The following EVC2 variants were observed in gnomAD, a reference collection of about 807,000 sequenced individuals.
EVC2 encodes EvC ciliary complex subunit 2.
EVC2 carries 148 observed loss-of-function variants against 149.3 expected under a neutral mutation model. The ratio of observed to expected loss-of-function variants is 0.99; its 90% confidence interval spans 0.87 to 1.14. The LOEUF is 1.14. Ranked by LOEUF, EVC2 falls within the 50% of genes most tolerant of loss-of-function variation. EVC2 has a pLI of 0.00. For synonymous variants in EVC2, 776 were observed against 649.9 expected (o/e 1.19, Z -2.95); for missense variants, 1,854 against 1,627.3 (o/e 1.14, Z -2.40).
At chr4:5,568,832 A>C (rs1224903060) in intron 19 of EVC2, among the ~76,000 whole-genome samples, 192 bp from the exon 20 acceptor site, 1 of 152,182 alleles carries the variant, frequency 6.6e-6, no homozygotes, top group Admixed American at 6.5e-5. Context: ...TTGGCTCCCC[A>C]GGACGCTTCT....
intron 16 of EVC2, among the ~76,000 whole-genome samples, chr4:5,590,754 CAT>C (rs906419432): frequency 1.3e-5 from 2 of 152,246 alleles, no homozygotes; most frequent in South Asian, 2.1e-4. Flanking sequence ...TTTTTTTGTA[CAT>C]GAGACCTGTA....
intron 10 of EVC2, among the ~76,000 whole-genome samples, chr4:5,639,242 T>A (rs1302440639): frequency 1.3e-5 from 2 of 152,156 alleles, no homozygotes; most frequent in Non-Finnish European, 2.9e-5. Flanking sequence ...TGTTCTTAAG[T>A]AGTTGGAAGC....
intron 7 of EVC2, among the ~76,000 whole-genome samples, chr4:5,680,480 T>C (rs141169855): frequency 1.3e-5 from 2 of 152,288 alleles, no homozygotes; most frequent in African/African-American, 2.4e-5. Context: ...CCTTCATATA[T>C]GCAGTCCACT....
intron 16 of EVC2, among the ~76,000 whole-genome samples, chr4:5,609,006 G>A (rs1050828550): frequency 6.6e-6 from 1 of 152,086 alleles, no homozygotes; most frequent in Non-Finnish European, 1.5e-5. Flanking sequence ...CATCTAAAGT[G>A]CTCCTGGTTC....
intron 21 of EVC2, among the ~76,000 whole-genome samples, chr4:5,548,112 C>G (rs1721655736): frequency 6.6e-6 from 1 of 152,074 alleles, no homozygotes; most frequent in Admixed American, 6.5e-5. Flanking sequence ...CTGGTTCACT[C>G]ACACACCCCT....
intron 21 of EVC2, among the ~76,000 whole-genome samples, chr4:5,550,162 A>T (rs1026066742): frequency 6.6e-6 from 1 of 152,210 alleles, no homozygotes; most frequent in African/African-American, 2.4e-5. Flanking sequence ...TGCTGCTGAA[A>T]AGATACCCAA....
At chr4:5,610,367 GC>G (rs1714719171) in intron 16 of EVC2, among the ~76,000 whole-genome samples, 3 of 152,278 alleles carry the variant, frequency 2.0e-5, no homozygotes, top group East Asian at 3.9e-4. Context: ...TTATTAAAAT[GC>G]CATCACATTT....
rs1440778090 is a variant in EVC2, at chr4:5,636,524, ATTGTAT to A, written c.1470+3984_1470+3989del. Among the ~76,000 whole-genome samples, 1 of 152,194 alleles carries A rather than the reference ATTGTAT, an allele frequency of 6.6e-6. No homozygotes were observed. The highest frequency in any genetic ancestry group is 1.5e-5 in the Non-Finnish European group (1 of 68,034). ...CTATTTATAACTACATAACATTTAC[ATTGTAT>A]TAGGTATTACAAGTAACAGAGGTGA... On this transcript the variant is annotated intron_variant, in intron 10 of 21. Transcript: ENST00000344408. The surrounding 1 kb of genome is among the most constrained non-coding windows in gnomAD (Gnocchi z 4.6).
intron 16 of EVC2, among the ~76,000 whole-genome samples, chr4:5,593,186 A>G (rs968587342): frequency 6.6e-6 from 1 of 152,168 alleles, no homozygotes; most frequent in Non-Finnish European, 1.5e-5. Flanking sequence ...AGTCTCGGGT[A>G]TGTCCTTATA....
intron 9 of EVC2, among the ~76,000 whole-genome samples, chr4:5,647,630 A>G (rs1474752461): frequency 6.6e-6 from 1 of 152,232 alleles, no homozygotes; most frequent in Non-Finnish European, 1.5e-5. Context: ...GTACAAGCTC[A>G]GAAAACAAAA....
chr4:5,553,868 G>A (rs1429841513), intron 21 of EVC2, among the ~76,000 whole-genome samples: 1 of 152,062 alleles, frequency 6.6e-6, no homozygotes, highest in Non-Finnish European at 1.5e-5. Flanking sequence ...ATGTATGCAT[G>A]CAATAAAAAA....
chr4:5,618,696 C>A lies in EVC2; in HGVS notation c.2502-14G>T. On this transcript the variant is annotated splice_polypyrimidine_tract_variant and intron_variant, in intron 14 of 21. Coordinates refer to ENST00000344408, the MANE Select transcript of EVC2 (RefSeq NM_147127.5). The surrounding 1 kb of genome is among the most constrained non-coding windows in gnomAD (Gnocchi z 4.4). ...GAGCAGAGCTTCCTGGGAGGAAGAA[C>A]AGAGACACACTCTTAACACAGAGAA... 6.3e-7 allele frequency: 1 copy of A among 1,575,478 alleles called. No individual in the cohort carries two copies.
intron 16 of EVC2, among the ~76,000 whole-genome samples, chr4:5,590,472 C>T (rs1159457682): frequency 6.6e-6 from 1 of 151,572 alleles, no homozygotes; most frequent in Non-Finnish European, 1.5e-5. Flanking sequence ...CCTCACTAAC[C>T]ATCATTAGGT....
chr4:5,564,766 A>G (rs998272545), intron 21 of EVC2, among the ~76,000 whole-genome samples: 2 of 152,186 alleles, frequency 1.3e-5, no homozygotes, highest in African/African-American at 2.4e-5. Flanking sequence ...CCAAGGAAAA[A>G]GGCATTGGGG....
At position 5,593,912 on chromosome 4, in the gene EVC2, G is replaced by A. The variant is rs182772526; in HGVS notation, c.2830-9062C>T. ...GGGCTTAAAAAACGACGCACCAGGA[G>A]ATTATATCCCCCACCTGGCTTGGAG... On this transcript the variant is annotated intron_variant, in intron 16 of 21. Coordinates refer to ENST00000344408, the MANE Select transcript of EVC2 (RefSeq NM_147127.5). Among the ~76,000 whole-genome samples the A allele has an allele frequency of 2.2e-3, 340 of 152,334 alleles. 1 individual carries two copies. The highest frequency in any genetic ancestry group is 7.8e-3 in the African/African-American group (323 of 41,582).
intron 7 of EVC2, among the ~76,000 whole-genome samples, chr4:5,675,703 G>A (rs1225519701): frequency 1.3e-5 from 2 of 152,040 alleles, no homozygotes; most frequent in African/African-American, 2.4e-5. Flanking sequence ...CCAGCACTTT[G>A]GGAGGCTGAG....
At chr4:5,560,197 G>A (rs925273102), downstream of EVC2, among the ~76,000 whole-genome samples, 1 of 151,946 alleles carries the variant, frequency 6.6e-6, no homozygotes, top group African/African-American at 2.4e-5. The surrounding 1 kb of genome is among the most constrained non-coding windows in gnomAD (Gnocchi z 4.1). Context: ...GTTCCTTGGA[G>A]CTTCTCTCTC....
At chr4:5,571,726 T>C (rs899137244) in intron 19 of EVC2, among the ~76,000 whole-genome samples, 6 of 152,230 alleles carry the variant, frequency 3.9e-5, no homozygotes, top group Non-Finnish European at 5.9e-5. Context: ...GTTCATTTTA[T>C]GTGTCCATTT....
downstream of EVC2, among the ~76,000 whole-genome samples, chr4:5,560,607 C>T (rs919642813): frequency 6.6e-6 from 1 of 152,150 alleles, no homozygotes; most frequent in African/African-American, 2.4e-5. This position sits in a 1 kb window ranked among gnomAD's most constrained non-coding sequence, Gnocchi z 4.1. Flanking sequence ...ATAAGGATTA[C>T]AATTCAAGGC....
Sources: gnomAD v4.1 joint callset for allele counts (sites outside exome capture counted in the v4.1 genomes callset) on GRCh38, gnomAD v4.1.1 for gene constraint, Gnocchi (gnomAD v3.1) non-coding constraint, MANE v1.5 for transcripts, NCBI Gene and HGNC (gene_info 2026-07-23, HGNC 2026-07-21) for gene names.